The following SLC15A5 variants were observed in gnomAD, a reference collection of about 807,000 sequenced individuals.
SLC15A5 encodes the protein Peptide/histidine transporter ENSP00000340402.
Under a neutral mutation model 56.1 loss-of-function variants are expected in SLC15A5, and 58 were observed. The observed-to-expected ratio is 1.03, with a 90% CI of 0.84 to 1.29. The LOEUF (loss-of-function observed/expected upper bound fraction) is 1.29, where lower values mean the gene tolerates loss of function less well. Among genes scored for constraint, SLC15A5 ranks in the 50% most tolerant of loss-of-function variants. The pLI is 0.00. For synonymous variants in SLC15A5, 264 were observed against 250.5 expected (o/e 1.05, Z -0.51); for missense variants, 681 against 672.1 (o/e 1.01, Z -0.15).
intron 7 of SLC15A5, among the ~76,000 whole-genome samples, chr12:16,198,966 A>C (rs1863922447): frequency 6.6e-6 from 1 of 151,996 alleles, no homozygotes; most frequent in African/African-American, 2.4e-5. Context: ...TGCTTTCATT[A>C]GATAATGCTC....
At chr12:16,197,895 T>C (rs1863910880) in intron 7 of SLC15A5, among the ~76,000 whole-genome samples, 1 of 152,148 alleles carries the variant, frequency 6.6e-6, no homozygotes, top group South Asian at 2.1e-4. Flanking sequence ...TGTGCCATTT[T>C]TCATCTGACA....
chr12:16,191,288 G>A (rs1863836084), intron 8 of SLC15A5, among the ~76,000 whole-genome samples: 1 of 150,958 alleles, frequency 6.6e-6, no homozygotes, highest in Non-Finnish European at 1.5e-5. Flanking sequence ...TTAACAATAA[G>A]ATTGTATCAG....
intron 7 of SLC15A5, among the ~76,000 whole-genome samples, 153 bp downstream of exon 7, chr12:16,216,740 A>G (rs573523866): frequency 6.6e-6 from 1 of 152,304 alleles, no homozygotes; most frequent in African/African-American, 2.4e-5. Context: ...GAATACAGCA[A>G]GAGTGTATTT....
At chr12:16,222,788 A>G (rs1219916953) in intron 6 of SLC15A5, among the ~76,000 whole-genome samples, 1 of 152,170 alleles carries the variant, frequency 6.6e-6, no homozygotes, top group Non-Finnish European at 1.5e-5. Context: ...AATTTCCTCC[A>G]CATATTCACT....
chr12:16,266,044 A>AAGTGATAGAACATGGAACGTGACCACATT (rs1864692309), intron 2 of SLC15A5, among the ~76,000 whole-genome samples: 1 of 152,218 alleles, frequency 6.6e-6, no homozygotes, highest in Admixed American at 6.5e-5. Flanking sequence ...TTGGCCTAGA[A>AAGTGATAGAACATGGAACGTGACCACATT]AGTGATAGAA....
intron 1 of SLC15A5, among the ~76,000 whole-genome samples, chr12:16,275,927 A>G (rs1056450327): frequency 6.6e-6 from 1 of 152,012 alleles, no homozygotes; most frequent in Non-Finnish European, 1.5e-5. Flanking sequence ...ACCAAGTAGC[A>G]GCCTCATCAC....
At position 16,239,342 on chromosome 12, in the gene SLC15A5, TTAAC is replaced by T. The variant is rs1283501753; in HGVS notation, c.1162+335_1162+338del. Among the ~76,000 whole-genome samples, 4 of 152,234 alleles carry T rather than the reference TTAAC, an allele frequency of 2.6e-5. No individual in the cohort carries two copies. The East Asian group carries it at 7.7e-4, about 29-fold the overall frequency. ...AATTAAAATGATCTTTTGGAATTAA[TTAAC>T]TGTTTATTTTTAAGAACCTATTTGA... On this transcript the variant is annotated intron_variant, in intron 5 of 8. Transcript: ENST00000344941.
At chr12:16,217,231 C>G (rs1864138887) in intron 6 of SLC15A5, among the ~76,000 whole-genome samples, 1 of 152,028 alleles carries the variant, frequency 6.6e-6, no homozygotes, top group Non-Finnish European at 1.5e-5. Context: ...CAAAAATATA[C>G]CTTGACCCAG....
At chr12:16,205,556 ATATTC>A (rs1170137364) in intron 7 of SLC15A5, among the ~76,000 whole-genome samples, 258 of 1,598 alleles carry the variant, frequency 0.16, 6 homozygotes, top group Middle Eastern at 0.5. Flanking sequence ...GTATATATAT[ATATTC>A]CATAAGAAGG....
In SLC15A5 at chr12:16,269,813, A is replaced by C. The variant is rs1001722475; in HGVS notation, c.584+2748T>G. Among the ~76,000 whole-genome samples the C allele has an allele frequency of 5.9e-5, 9 of 152,226 alleles. No individual in the cohort carries two copies. Among genetic ancestry groups the C allele is most frequent in the Non-Finnish European group, 1.3e-4 (9 of 68,036 alleles). ...TAGGATGCAAATTATCAGGTGAAGA[A>C]AGTAGAGAAATGCAGAAGCAAGATT... On this transcript the variant is annotated intron_variant, in intron 2 of 8. Transcript: ENST00000344941. This position sits in a 1 kb window ranked among gnomAD's most constrained non-coding sequence, Gnocchi z 4.7.
intron 2 of SLC15A5, among the ~76,000 whole-genome samples, chr12:16,270,440 T>C (rs1446535320): frequency 2.0e-5 from 3 of 152,140 alleles, no homozygotes; most frequent in Non-Finnish European, 2.9e-5. Flanking sequence ...CTGGAAGACA[T>C]AGATTACACA....
At chr12:16,195,507 TA>T (rs1863885025) in intron 7 of SLC15A5, among the ~76,000 whole-genome samples, 1 of 152,112 alleles carries the variant, frequency 6.6e-6, no homozygotes, top group African/African-American at 2.4e-5. Flanking sequence ...TGAATTTTTT[TA>T]CTGTTATGCA....
At chr12:16,231,022 G>A (rs902217752) in intron 5 of SLC15A5, among the ~76,000 whole-genome samples, 1 of 152,150 alleles carries the variant, frequency 6.6e-6, no homozygotes, top group South Asian at 2.1e-4. Flanking sequence ...GTCTCCACCA[G>A]TATGATTCTT....
chr12:16,214,836 C>T (rs1057486527), intron 7 of SLC15A5, among the ~76,000 whole-genome samples: 2 of 151,922 alleles, frequency 1.3e-5, no homozygotes, highest in East Asian at 3.9e-4. Context: ...TGTGGGGATC[C>T]CCACATTTAT....
At chr12:16,210,574 C>T (rs531512471) in intron 7 of SLC15A5, among the ~76,000 whole-genome samples, 1 of 152,172 alleles carries the variant, frequency 6.6e-6, no homozygotes, top group Admixed American at 6.5e-5. Context: ...TCTATTTCTT[C>T]TAGTCCTCAT....
At position 16,216,914 on chromosome 12, in the gene SLC15A5, A is replaced by G. The variant is rs1470822997; in HGVS notation, c.1462T>C (p.Leu488=). 2.0e-6 allele frequency: 3 copies of G among 1,536,458 alleles called. No homozygotes were observed. The highest frequency in any genetic ancestry group is 2.7e-5 in the African/African-American group (2 of 72,980). ...TTACCATCTGAGATGAGATATACCAACTTCACCAGCAGTGCCCCTGTGAAA... is the reference window on the plus strand; with the variant it reads ...TTACCATCTGAGATGAGATATACCAGCTTCACCAGCAGTGCCCCTGTGAAA... ...GCFTGALLVK[L]VYLISDGNWF... Residue 488 remains leucine, a synonymous_variant, in exon 7 of 9, where the codon TTG becomes CTG. Coordinates refer to ENST00000344941, the MANE Select transcript of SLC15A5 (RefSeq NM_001170798.1).
intron 2 of SLC15A5, among the ~76,000 whole-genome samples, chr12:16,258,188 A>G (rs1189355977): frequency 6.6e-6 from 1 of 152,212 alleles, no homozygotes; most frequent in African/African-American, 2.4e-5. Context: ...TGCAGGCCAT[A>G]CAGTCTCTGT....
At chr12:16,209,374 C>G (rs1244003790) in intron 7 of SLC15A5, among the ~76,000 whole-genome samples, 2 of 152,116 alleles carry the variant, frequency 1.3e-5, no homozygotes, top group South Asian at 4.1e-4. Flanking sequence ...CATCCAACCT[C>G]TAATGTTGGG....
chr12:16,209,537 C>T (rs1367536657), intron 7 of SLC15A5, among the ~76,000 whole-genome samples: 1 of 152,054 alleles, frequency 6.6e-6, no homozygotes, highest in African/African-American at 2.4e-5. Context: ...TTGGATGTCT[C>T]ACAGGTATGT....
Sources: gnomAD v4.1 joint callset for allele counts (sites outside exome capture counted in the v4.1 genomes callset) on GRCh38, gnomAD v4.1.1 for gene constraint, Gnocchi (gnomAD v3.1) non-coding constraint, MANE v1.5 for transcripts, NCBI Gene and HGNC (gene_info 2026-07-23, HGNC 2026-07-21) for gene names.